Variants in PPP4R2 observed in about 807,000 individuals in gnomAD.
PPP4R2 encodes protein phosphatase 4 regulatory subunit 2, also known as serine/threonine-protein phosphatase 4 regulatory subunit 2.
PPP4R2 carries 13 observed loss-of-function variants against 47.2 expected under a neutral mutation model. The observed-to-expected ratio is 0.28, with a 90% CI of 0.18 to 0.44. PPP4R2 has a LOEUF of 0.44. Ranked by LOEUF, PPP4R2 falls within the 20% of genes least tolerant of loss-of-function variation. The pLI, the probability that PPP4R2 is intolerant of heterozygous loss-of-function variation, is 1.00. For synonymous variants in PPP4R2, 151 were observed against 163.3 expected, an observed-to-expected ratio of 0.92 and a Z score of 0.57; for missense variants, 421 against 491.2, an observed-to-expected ratio of 0.86 and a Z score of 1.35.
At chr3:73,048,170 C>T (rs889156956) in intron 3 of PPP4R2, among the ~76,000 whole-genome samples, 5 of 152,108 alleles carry the variant, frequency 3.3e-5, no homozygotes, top group African/African-American at 4.8e-5. Flanking sequence ...CCACCACGCC[C>T]GGCAGTACTC....
chr3:72,999,022 A>G (rs7628388), intron 2 of PPP4R2, among the ~76,000 whole-genome samples: 20,345 of 152,222 alleles, frequency 0.13, 1,626 homozygotes, highest in East Asian at 0.36. Flanking sequence ...ATTATTAGCA[A>G]GTGTTCATTT....
rs1702870383 is a variant in PPP4R2, at chr3:73,062,036, T to C, written c.419+976T>C. 3 of 1,395,252 alleles carry C rather than the reference T, an allele frequency of 2.2e-6. No homozygotes were observed. In the South Asian group the frequency reaches 4.2e-5, roughly 20 times the overall value. The allele number at this position is 1,395,252 out of a possible 1,614,324, so 86.4% of individuals were successfully genotyped here. On this transcript the variant is annotated intron_variant, in intron 5 of 8. Coordinates refer to ENST00000356692, the MANE Select transcript of PPP4R2 (RefSeq NM_174907.4). ...TTTTGCTCATGAACGTGAGGTATTT[T>C]GGAAAAATGGTAAAGAAGTGCAGAG...
At chr3:73,012,653 C>T (rs572609918) in intron 2 of PPP4R2, among the ~76,000 whole-genome samples, 9 of 152,122 alleles carry the variant, frequency 5.9e-5, no homozygotes, top group African/African-American at 1.9e-4. Flanking sequence ...ATGTGGAACT[C>T]GTAGATACAG....
chr3:73,009,097 A>C (rs9310256), intron 2 of PPP4R2, among the ~76,000 whole-genome samples: 58,388 of 151,894 alleles, frequency 0.38, 11,618 homozygotes, highest in African/African-American at 0.44. Context: ...TCATCACTTA[A>C]GTTACTGTTG....
Position 73,065,100 on chromosome 3 carries a change from G to A in PPP4R2, c.887G>A (p.Cys296Tyr). 6.2e-7 allele frequency: 1 copy of A among 1,613,610 alleles called. No homozygotes were observed. The highest frequency in any genetic ancestry group is 8.5e-7 in the Non-Finnish European group (1 of 1,179,820). ...GATAGCCGTTGTACCCGGCAGCACTGTACAGAAGAGGATGAAGAAGAGGAT... is the reference window on the plus strand; with the variant it reads ...GATAGCCGTTGTACCCGGCAGCACTATACAGAAGAGGATGAAGAAGAGGAT... Reference protein sequence around the residue: ...DKDSRCTRQHCTEEDEEEDEE... With the variant: ...DKDSRCTRQHYTEEDEEEDEE... The change falls in exon 8 of 9, where the codon TGT becomes TAT. Residue 296 changes from cysteine (C) to tyrosine (Y), a missense_variant. By Grantham distance (194) the Cys-to-Tyr change is radical. Coordinates refer to ENST00000356692, the MANE Select transcript of PPP4R2 (RefSeq NM_174907.4).
chr3:73,010,983 T>C (rs1701713389), intron 2 of PPP4R2, among the ~76,000 whole-genome samples: 1 of 151,860 alleles, frequency 6.6e-6, no homozygotes, highest in Non-Finnish European at 1.5e-5. Context: ...ATGAGGCTGT[T>C]GAGTCTTAGA....
chr3:73,026,219 T>G (rs943206305), intron 2 of PPP4R2, among the ~76,000 whole-genome samples: 1 of 152,174 alleles, frequency 6.6e-6, no homozygotes, highest in African/African-American at 2.4e-5. Context: ...TTCCCTGTGT[T>G]TTTCTTTTCT....
intron 2 of PPP4R2, among the ~76,000 whole-genome samples, chr3:73,033,835 T>G (rs1702213246): frequency 6.6e-6 from 1 of 152,240 alleles, no homozygotes; most frequent in African/African-American, 2.4e-5. Flanking sequence ...AGGGTTGTTT[T>G]CACCTTTTAG....
intron 2 of PPP4R2, among the ~76,000 whole-genome samples, chr3:73,019,071 G>A (rs544719646): frequency 6.6e-6 from 1 of 152,156 alleles, no homozygotes; most frequent in Non-Finnish European, 1.5e-5. Flanking sequence ...CCACATATAT[G>A]ATGGTGGTCC....
chr3:73,057,332 C>T (rs187860279), intron 3 of PPP4R2, among the ~76,000 whole-genome samples: 6 of 152,188 alleles, frequency 3.9e-5, no homozygotes, highest in East Asian at 3.9e-4. Flanking sequence ...TACTTAGTAA[C>T]GCTGTTGGTG....
In PPP4R2 at chr3:73,047,381, G is replaced by T. The variant is rs763880783; in HGVS notation, c.287+25G>T. 7.5e-6 allele frequency: 11 copies of T among 1,459,838 alleles called. No homozygotes were observed. In the East Asian group the frequency reaches 2.7e-4, roughly 35 times the overall value. 90.4% of individuals were successfully genotyped at this position (1,459,838 alleles called of 1,614,324 possible). ...GGTATGCACTTAATACTGTTTTAAA[G>T]ATTTAATTTTTAGCAGAAGATGAAT... On this transcript the variant is annotated intron_variant, in intron 3 of 8. Transcript: ENST00000356692.
Position 73,069,080 on chromosome 3 carries a change from C to T in PPP4R2, c.*3358C>T, listed in dbSNP as rs548294754. 6.6e-6 allele frequency: 1 copy of T among 152,244 alleles called. No individual in the cohort carries two copies. The highest frequency in any genetic ancestry group is 2.4e-5 in the African/African-American group (1 of 41,538). 9.4% of individuals were successfully genotyped at this position (152,244 alleles called of 1,614,324 possible). On this transcript the variant is annotated 3_prime_UTR_variant, in exon 9 of 9. Coordinates refer to ENST00000356692, the MANE Select transcript of PPP4R2 (RefSeq NM_174907.4). ...TATGTATTGGTTAGACTACATCTTA[C>T]TATTTCACATTTTAAAAATCAGTAC...
chr3:73,050,921 A>T (rs977235573), intron 3 of PPP4R2, among the ~76,000 whole-genome samples: 75 of 150,580 alleles, frequency 5.0e-4, no homozygotes, highest in African/African-American at 1.7e-3. Context: ...CCTTTTTTTT[A>T]TTTTTTTCTG....
chr3:73,033,207 A>T (rs969148394), intron 2 of PPP4R2, among the ~76,000 whole-genome samples: 3 of 152,098 alleles, frequency 2.0e-5, no homozygotes, highest in Non-Finnish European at 2.9e-5. Flanking sequence ...TATTCTACCT[A>T]CTTATTTGAT....
At chr3:73,019,780 T>TCG (rs756301590) in intron 2 of PPP4R2, among the ~76,000 whole-genome samples, 1 of 152,100 alleles carries the variant, frequency 6.6e-6, no homozygotes, top group Admixed American at 6.6e-5. Flanking sequence ...GTATACTTGC[T>TCG]CTCTCTCTTC....
At chr3:73,023,777 T>A (rs1336309251) in intron 2 of PPP4R2, among the ~76,000 whole-genome samples, 2 of 152,160 alleles carry the variant, frequency 1.3e-5, no homozygotes, top group African/African-American at 2.4e-5. Flanking sequence ...AGTTGCTTTT[T>A]AAAAAGTCAC....
chr3:73,063,415 T>G, intron 5 of PPP4R2: 1 of 319,022 alleles, frequency 3.1e-6, no homozygotes. Context: ...CTTGAGGTCA[T>G]GAGTTTGAGG....
chr3:73,043,590 A>G (rs1050052238), intron 2 of PPP4R2, among the ~76,000 whole-genome samples: 2 of 152,162 alleles, frequency 1.3e-5, no homozygotes, highest in Admixed American at 1.3e-4. Flanking sequence ...TCCCCACATC[A>G]ACCCAGCACT....
chr3:73,062,224 TG>T (rs1702876296), intron 5 of PPP4R2: 1 of 1,595,810 alleles, frequency 6.3e-7, no homozygotes, highest in African/African-American at 1.4e-5. Flanking sequence ...TTTTCCACAA[TG>T]TCTCATCTAA....
Sources: allele counts gnomAD v4.1 joint callset (sites outside exome capture counted in the v4.1 genomes callset), GRCh38; gene constraint gnomAD v4.1.1; transcripts MANE v1.5; gene names NCBI Gene and HGNC (gene_info 2026-07-23, HGNC 2026-07-21).